The following CADM2 variants were observed in gnomAD, a reference collection of about 807,000 sequenced individuals.
CADM2 encodes immunoglobulin superfamily member 4D.
CADM2 carries 12 observed loss-of-function variants against 49.8 expected under a neutral mutation model. The observed-to-expected ratio is 0.24, with a 90% CI of 0.15 to 0.39. The LOEUF (loss-of-function observed/expected upper bound fraction) is 0.39. CADM2 is among the 10% of genes least tolerant of loss of function. CADM2 has a pLI of 1.00. For synonymous variants in CADM2, 214 were observed against 175.4 expected, an observed-to-expected ratio of 1.22 and a Z score of -1.74; for missense variants, 378 against 492.3, an observed-to-expected ratio of 0.77 and a Z score of 2.20.
intron 1 of CADM2, among the ~76,000 whole-genome samples, chr3:85,110,519 G>A (rs980025583): frequency 6.6e-6 from 1 of 151,738 alleles, no homozygotes; most frequent in African/African-American, 2.4e-5. Context: ...GATAAAAAAT[G>A]ATTACAAATC....
At chr3:85,851,986 T>C (rs2075125954) in intron 3 of CADM2, among the ~76,000 whole-genome samples, 1 of 152,056 alleles carries the variant, frequency 6.6e-6, no homozygotes, top group Non-Finnish European at 1.5e-5. Flanking sequence ...TTTGAGATTC[T>C]TGTAATATAA....
intron 5 of CADM2, among the ~76,000 whole-genome samples, chr3:85,896,027 A>C (rs921400842): frequency 2.0e-5 from 3 of 152,200 alleles, no homozygotes; most frequent in African/African-American, 7.2e-5. Context: ...ATGGTGGCTC[A>C]TGCCTCTAAT....
intron 8 of CADM2, among the ~76,000 whole-genome samples, chr3:86,040,940 G>T (rs1735820990): frequency 6.6e-6 from 1 of 152,124 alleles, no homozygotes; most frequent in African/African-American, 2.4e-5. Context: ...CATTCTTAAA[G>T]AAAAGAATTT....
intron 1 of CADM2, among the ~76,000 whole-genome samples, chr3:85,109,222 A>T (rs1294457704): frequency 6.6e-6 from 1 of 152,008 alleles, no homozygotes; most frequent in Non-Finnish European, 1.5e-5. Context: ...CTATCCTCAA[A>T]CTACAAGAAC....
At chr3:85,168,716 A>G (rs565368078) in intron 1 of CADM2, among the ~76,000 whole-genome samples, 1 of 152,286 alleles carries the variant, frequency 6.6e-6, no homozygotes, top group South Asian at 2.1e-4. Context: ...TTGATTCTGA[A>G]ATAAAACTTA....
intron 3 of CADM2, among the ~76,000 whole-genome samples, chr3:85,809,782 C>CTTTCTT (rs1237538881): frequency 1.7e-5 from 2 of 118,114 alleles, no homozygotes; most frequent in African/African-American, 6.7e-5. Context: ...CTCTCTCTCT[C>CTTTCTT]TCTCTCTCTC....
chr3:85,817,214 A>G (rs2073265514), intron 3 of CADM2, among the ~76,000 whole-genome samples: 1 of 152,184 alleles, frequency 6.6e-6, no homozygotes. Flanking sequence ...TTTAATGTTG[A>G]GACTAGCAAG....
chr3:85,985,844 A>G (rs537804796), intron 8 of CADM2, among the ~76,000 whole-genome samples: 1 of 152,138 alleles, frequency 6.6e-6, no homozygotes, highest in East Asian at 1.9e-4. Context: ...AGTTAAGTAC[A>G]CACTTTGGGC....
intron 1 of CADM2, among the ~76,000 whole-genome samples, chr3:85,030,353 G>T (rs1381905576): frequency 6.6e-6 from 1 of 152,118 alleles, no homozygotes; most frequent in Admixed American, 6.5e-5. Context: ...AACCTTCAAT[G>T]CAACCTCAAT....
At chr3:85,705,858 G>A (rs13087042) in intron 1 of CADM2, among the ~76,000 whole-genome samples, 27,015 of 152,032 alleles carry the variant, frequency 0.18, 3,001 homozygotes, top group Non-Finnish European at 0.24. Context: ...CCCCCTCACC[G>A]TTTAATATTT....
chr3:84,970,626 C>T (rs569160777), intron 1 of CADM2, among the ~76,000 whole-genome samples: 23 of 151,904 alleles, frequency 1.5e-4, no homozygotes, highest in Non-Finnish European at 3.1e-4. Context: ...CTGTCATCCT[C>T]ATAGAGAAAT....
At chr3:85,443,356 C>A (rs2037298307) in intron 1 of CADM2, among the ~76,000 whole-genome samples, 1 of 152,078 alleles carries the variant, frequency 6.6e-6, no homozygotes, top group African/African-American at 2.4e-5. Flanking sequence ...CTCATCAAAC[C>A]AATACTTCAA....
chr3:85,080,146 A>C (rs2037108711), intron 1 of CADM2, among the ~76,000 whole-genome samples: 1 of 151,998 alleles, frequency 6.6e-6, no homozygotes, highest in Non-Finnish European at 1.5e-5. Context: ...ATATCAATTA[A>C]CTTAAATGAT....
intron 1 of CADM2, among the ~76,000 whole-genome samples, chr3:85,603,856 G>C (rs2063482987): frequency 6.6e-6 from 1 of 151,836 alleles, no homozygotes; most frequent in African/African-American, 2.4e-5. Flanking sequence ...CTACTAACCT[G>C]TTTTGCTAAC....
intron 3 of CADM2, among the ~76,000 whole-genome samples, chr3:85,842,143 G>T (rs758371431): frequency 6.6e-6 from 1 of 152,082 alleles, no homozygotes; most frequent in Non-Finnish European, 1.5e-5. Flanking sequence ...GAACTCTCGT[G>T]ATTAGTTTCT....
intron 1 of CADM2, among the ~76,000 whole-genome samples, chr3:85,547,855 T>C (rs1376655107): frequency 6.6e-6 from 1 of 152,164 alleles, no homozygotes; most frequent in East Asian, 1.9e-4. Flanking sequence ...ACAAGTCATC[T>C]ACACAGTCGC....
At chr3:85,487,110 C>A (rs567129017) in intron 1 of CADM2, among the ~76,000 whole-genome samples, 11 of 152,232 alleles carry the variant, frequency 7.2e-5, no homozygotes, top group African/African-American at 2.4e-4. Flanking sequence ...TAGCTTAATT[C>A]TTTATAGGAA....
intron 1 of CADM2, among the ~76,000 whole-genome samples, chr3:85,351,805 C>A (rs2031378687): frequency 6.6e-6 from 1 of 152,044 alleles, no homozygotes; most frequent in Admixed American, 6.6e-5. Context: ...TTAGTGGGAA[C>A]ATCTTTTTAA....
At chr3:85,944,880 G>T (rs1311681144) in intron 7 of CADM2, among the ~76,000 whole-genome samples, 1 of 151,980 alleles carries the variant, frequency 6.6e-6, no homozygotes, top group African/African-American at 2.4e-5. Flanking sequence ...AGAGAAGCAA[G>T]AGCAAACACA....
Sources: gnomAD v4.1 joint callset for allele counts (sites outside exome capture counted in the v4.1 genomes callset) on GRCh38, gnomAD v4.1.1 for gene constraint, MANE v1.5 for transcripts, NCBI Gene and HGNC (gene_info 2026-07-23, HGNC 2026-07-21) for gene names.